FAF1: variants seen among roughly 807,000 people sequenced by gnomAD.
FAF1 encodes FAS-associated factor 1.
Under a neutral mutation model 92.5 loss-of-function variants are expected in FAF1, and 25 were observed. That is an observed-to-expected ratio of 0.27 (90% confidence interval 0.20 to 0.38). The LOEUF (loss-of-function observed/expected upper bound fraction) is 0.38, where lower values mean the gene tolerates loss of function less well. Among genes scored for constraint, FAF1 ranks in the 10% least tolerant of loss-of-function variants. FAF1 has a pLI of 1.00. For missense variants in FAF1, 636 were observed against 793.3 expected, an observed-to-expected ratio of 0.80 and a Z score of 2.38; for synonymous variants, 234 against 273.2, an observed-to-expected ratio of 0.86 and a Z score of 1.42.
At chr1:50,957,296 G>A (rs1463898769) in intron 1 of FAF1, among the ~76,000 whole-genome samples, 1 of 150,082 alleles carries the variant, frequency 6.7e-6, no homozygotes, top group African/African-American at 2.5e-5. Flanking sequence ...CCATTGGTCT[G>A]AAGAGAAAAA....
Position 50,890,436 on chromosome 1 carries a change from G to A in FAF1, c.46-32439C>T, listed in dbSNP as rs1234546947. Among the ~76,000 whole-genome samples, 11 of 152,304 alleles carry A rather than the reference G, an allele frequency of 7.2e-5. No individual in the cohort carries two copies. In the East Asian group the frequency reaches 2.1e-3, roughly 29 times the overall value. ...TAGCTGGTGATTTTGCTCGTTAGTTGATGCAGTTTCTTCCTAGCATTGATG... is the reference window on the plus strand; with the variant it reads ...TAGCTGGTGATTTTGCTCGTTAGTTAATGCAGTTTCTTCCTAGCATTGATG... On this transcript the variant is annotated intron_variant, in intron 1 of 18. Coordinates refer to ENST00000396153, the MANE Select transcript of FAF1 (RefSeq NM_007051.3).
intron 12 of FAF1, among the ~76,000 whole-genome samples, chr1:50,573,685 A>C (rs1297079692): frequency 6.6e-6 from 1 of 151,718 alleles, no homozygotes; most frequent in Non-Finnish European, 1.5e-5. Context: ...GAAGATGAGG[A>C]GATGCCAGGA....
intron 8 of FAF1, among the ~76,000 whole-genome samples, chr1:50,597,820 C>A (rs2124087972): frequency 6.6e-6 from 1 of 152,204 alleles, no homozygotes; most frequent in Admixed American, 6.5e-5. Context: ...TAAATTTGTT[C>A]TGTTAAAAAG....
chr1:50,582,528 A>G (rs1296630889), intron 12 of FAF1, 90 bp downstream of exon 12: 12 of 851,142 alleles, frequency 1.4e-5, no homozygotes, highest in Admixed American at 2.2e-5. Flanking sequence ...AAACAAAAAC[A>G]AAAACAGAAA....
chr1:50,608,650 C>T (rs534738847), intron 8 of FAF1, among the ~76,000 whole-genome samples: 1 of 152,212 alleles, frequency 6.6e-6, no homozygotes, highest in Non-Finnish European at 1.5e-5. Flanking sequence ...CCCAAAATGT[C>T]TCCCCCTATC....
intron 10 of FAF1, among the ~76,000 whole-genome samples, chr1:50,584,283 T>G (rs1651121715): frequency 6.6e-6 from 1 of 152,090 alleles, no homozygotes; most frequent in African/African-American, 2.4e-5. Flanking sequence ...CTTTTTTCCT[T>G]CCAAAGATGG....
chr1:50,687,703 C>T (rs948251675), intron 7 of FAF1, among the ~76,000 whole-genome samples: 8 of 150,166 alleles, frequency 5.3e-5, no homozygotes, highest in African/African-American at 4.9e-5. Flanking sequence ...GAGCCAAGAT[C>T]GCACTCCAGC....
intron 1 of FAF1, among the ~76,000 whole-genome samples, chr1:50,921,559 C>T (rs1290583223): frequency 1.3e-5 from 2 of 151,950 alleles, no homozygotes; most frequent in African/African-American, 2.4e-5. Context: ...CCCAGGAGTT[C>T]GAGACCAGCC....
intron 18 of FAF1, among the ~76,000 whole-genome samples, chr1:50,454,937 G>C (rs1646334496): frequency 2.6e-5 from 4 of 152,206 alleles, no homozygotes; most frequent in Admixed American, 1.3e-4. Context: ...CATGTTTGCT[G>C]AAAGACTGAT....
At chr1:50,953,972 G>T (rs191615593) in intron 1 of FAF1, among the ~76,000 whole-genome samples, 3 of 151,520 alleles carry the variant, frequency 2.0e-5, no homozygotes, top group African/African-American at 7.3e-5. Flanking sequence ...TATTTGAGAC[G>T]GAGTCTCCCT....
At chr1:50,665,462 C>T (rs565716422) in intron 7 of FAF1, among the ~76,000 whole-genome samples, 3 of 152,176 alleles carry the variant, frequency 2.0e-5, no homozygotes, top group Admixed American at 1.3e-4. Context: ...ATCTAATATC[C>T]AATAATGTAA....
At chr1:50,486,636 ATGTATGGTATCTTTTCC>A (rs1646773122) in intron 17 of FAF1, among the ~76,000 whole-genome samples, 1 of 151,818 alleles carries the variant, frequency 6.6e-6, no homozygotes, top group Non-Finnish European at 1.5e-5. Context: ...GGTTTTTATA[ATGTATGGTATCTTTTCC>A]TGTAGTGATT....
chr1:50,517,892 T>C lies in FAF1; in HGVS notation c.1494+17477A>G, dbSNP rs541619534. ...GCATCCAAAAAGTTATTAAAACAAA[T>C]GAAAGAACAATAAAATTTTGTTAAA... On this transcript the variant is annotated intron_variant, in intron 15 of 18. Coordinates refer to ENST00000396153, the MANE Select transcript of FAF1 (RefSeq NM_007051.3). 1.2e-4 allele frequency among the ~76,000 whole-genome samples: 18 copies of C among 152,246 alleles called. No homozygotes were observed. The South Asian group carries it at 2.5e-3, about 21-fold the overall frequency.
At position 50,874,026 on chromosome 1, in the gene FAF1, A is replaced by AT. The variant is rs1644550145; in HGVS notation, c.46-16030dup. On this transcript the variant is annotated intron_variant, in intron 1 of 18. Coordinates refer to ENST00000396153, the MANE Select transcript of FAF1 (RefSeq NM_007051.3). ...AGCAACTGTAGAAATGATGCAGGGT[A>AT]TGTGAGACCCAAAATTTGGGGCTTA... Among the ~76,000 whole-genome samples, 7 of 152,286 alleles carry AT rather than the reference A, an allele frequency of 4.6e-5. No individual in the cohort carries two copies. The South Asian group carries it at 1.5e-3, about 32-fold the overall frequency.
intron 7 of FAF1, among the ~76,000 whole-genome samples, chr1:50,679,306 T>TAA (rs753223288): frequency 1.5e-5 from 2 of 129,776 alleles, no homozygotes; most frequent in African/African-American, 6.2e-5. Flanking sequence ...TTTACTTTCT[T>TAA]AAAAAAAAAA....
rs114690923 is a variant in FAF1 at position 50,679,182 on chromosome 1, G to A, written c.658-23654C>T. Among the ~76,000 whole-genome samples, 476 of 152,070 alleles carry A rather than the reference G, an allele frequency of 3.1e-3. 3 individuals are homozygous for A. Among genetic ancestry groups the A allele is most frequent in the African/African-American group, 0.01 (433 of 41,480 alleles). On this transcript the variant is annotated intron_variant, in intron 7 of 18. Transcript: ENST00000396153. Reference sequence around the variant, plus strand: ...ACATTGTTTTGTAACTGCTATATGTGGCAACAAAATTACTGATGGAAAGCA... The same window carrying A: ...ACATTGTTTTGTAACTGCTATATGTAGCAACAAAATTACTGATGGAAAGCA...
At chr1:50,679,492 T>C (rs1022418946) in intron 7 of FAF1, among the ~76,000 whole-genome samples, 1 of 149,910 alleles carries the variant, frequency 6.7e-6, no homozygotes, top group South Asian at 2.1e-4. Context: ...CAGATGATCC[T>C]GCCTCTCTAC....
intron 4 of FAF1, among the ~76,000 whole-genome samples, chr1:50,754,321 T>C (rs1047985005): frequency 2.6e-5 from 4 of 152,226 alleles, no homozygotes; most frequent in Non-Finnish European, 4.4e-5. Flanking sequence ...TTAGTCAGCA[T>C]TGCCCAAGCA....
chr1:50,885,904 C>T (rs1193489597), intron 1 of FAF1, among the ~76,000 whole-genome samples: 1 of 152,022 alleles, frequency 6.6e-6, no homozygotes, highest in East Asian at 1.9e-4. Flanking sequence ...TATCTTATAA[C>T]CCATTATCTT....
Sources: allele counts gnomAD v4.1 joint callset (sites outside exome capture counted in the v4.1 genomes callset), GRCh38; gene constraint gnomAD v4.1.1; transcripts MANE v1.5; gene names NCBI Gene and HGNC (gene_info 2026-07-23, HGNC 2026-07-21).